Variants in UACA observed in about 807,000 individuals in gnomAD.
UACA encodes uveal autoantigen with coiled-coil domains and ankyrin repeats, also known as nuclear membrane binding protein.
Under a neutral mutation model 160.5 loss-of-function variants are expected in UACA, and 112 were observed. That is an observed-to-expected ratio of 0.70 (90% CI 0.60 to 0.82). The LOEUF is 0.82. UACA is among the 40% of genes least tolerant of loss of function. The pLI is 0.00. For synonymous variants in UACA, 557 were observed against 568.4 expected, an observed-to-expected ratio of 0.98 and a Z score of 0.29; for missense variants, 1,574 against 1,614.6, an observed-to-expected ratio of 0.97 and a Z score of 0.43.
chr15:70,680,624 T>C (rs1279580115), intron 9 of UACA, among the ~76,000 whole-genome samples: 3 of 152,184 alleles, frequency 2.0e-5, no homozygotes, highest in Admixed American at 6.5e-5. Flanking sequence ...TCTGACATCT[T>C]CTCACAGCTC....
intron 1 of UACA, among the ~76,000 whole-genome samples, chr15:70,707,124 A>AT (rs1200693759): frequency 6.6e-6 from 1 of 152,234 alleles, no homozygotes; most frequent in Non-Finnish European, 1.5e-5. Context: ...CAGCCCACAG[A>AT]TAAACCCTCA....
chr15:70,763,978 A>T (rs974834022), upstream of UACA, among the ~76,000 whole-genome samples: 2 of 152,220 alleles, frequency 1.3e-5, no homozygotes, highest in Non-Finnish European at 1.5e-5. Context: ...TTCAGGAGCA[A>T]CTTCTTTTCA....
chr15:70,715,946 A>G (rs1020299115), intron 1 of UACA, among the ~76,000 whole-genome samples: 5 of 152,240 alleles, frequency 3.3e-5, no homozygotes, highest in Non-Finnish European at 7.3e-5. Flanking sequence ...AATGGGATAT[A>G]AAGGAACTAA....
intron 2 of UACA, among the ~76,000 whole-genome samples, chr15:70,697,157 A>G (rs1898159354): frequency 6.6e-6 from 1 of 152,272 alleles, no homozygotes; most frequent in Non-Finnish European, 1.5e-5. Context: ...GAGGACAACT[A>G]GAAAAGCTGC....
intron 16 of UACA, 27 bp downstream of exon 16, chr15:70,666,697 T>C (rs746403039): frequency 4.6e-6 from 7 of 1,537,754 alleles, no homozygotes; most frequent in East Asian, 4.5e-5. Flanking sequence ...TTCCAACACA[T>C]AGCCGTGCAG....
intron 1 of UACA, among the ~76,000 whole-genome samples, chr15:70,761,103 G>A (rs1442355059): frequency 6.6e-6 from 1 of 152,042 alleles, no homozygotes; most frequent in Non-Finnish European, 1.5e-5. Context: ...TATGAATGGG[G>A]AGCCTCTATT....
At chr15:70,726,386 A>T (rs554629805) in intron 1 of UACA, among the ~76,000 whole-genome samples, 5 of 151,684 alleles carry the variant, frequency 3.3e-5, no homozygotes, top group South Asian at 4.2e-4. Flanking sequence ...GAAATTGTTT[A>T]AAAAAAAATG....
intron 18 of UACA, among the ~76,000 whole-genome samples, chr15:70,659,615 A>T (rs1034038959): frequency 6.6e-6 from 1 of 151,814 alleles, no homozygotes; most frequent in Non-Finnish European, 1.5e-5. Context: ...GTAATTTCTT[A>T]GTATGATTTT....
chr15:70,685,483 T>G (rs977856591), intron 7 of UACA, among the ~76,000 whole-genome samples: 5 of 152,152 alleles, frequency 3.3e-5, no homozygotes, highest in African/African-American at 1.2e-4. Context: ...CTGTAGTTGC[T>G]GATAAGAAAT....
chr15:70,710,748 G>C (rs1372809137), intron 1 of UACA, among the ~76,000 whole-genome samples: 1 of 152,226 alleles, frequency 6.6e-6, no homozygotes. Flanking sequence ...GATGCAAAAG[G>C]CAAAGAATGT....
At chr15:70,672,565 G>C (rs548562303) in intron 13 of UACA, among the ~76,000 whole-genome samples, 9 of 152,278 alleles carry the variant, frequency 5.9e-5, no homozygotes, top group Admixed American at 2.6e-4. Flanking sequence ...AAATAATAGA[G>C]AACTCTAGCT....
intron 1 of UACA, among the ~76,000 whole-genome samples, chr15:70,759,172 A>C (rs531743990): frequency 4.9e-4 from 75 of 152,190 alleles, no homozygotes; most frequent in Non-Finnish European, 9.4e-4. Flanking sequence ...TGTTTGCAGC[A>C]CTTCTACTAC....
chr15:70,718,763 TAAC>T (rs1006266562), intron 1 of UACA, among the ~76,000 whole-genome samples: 2 of 152,158 alleles, frequency 1.3e-5, no homozygotes, highest in African/African-American at 4.8e-5. Flanking sequence ...GGTGCTACCT[TAAC>T]AACAGCTACC....
Position 70,685,213 on chromosome 15 carries a change from A to G in UACA, c.603-767T>C, listed in dbSNP as rs150927620. On this transcript the variant is annotated intron_variant, in intron 7 of 18. Coordinates refer to ENST00000322954, the MANE Select transcript of UACA (RefSeq NM_018003.4). ...GCAATAGAACCACTGGCACTCAAAC[A>G]TCTCACAGTACATCAGCAAATACTA... Among the ~76,000 whole-genome samples the G allele has an allele frequency of 2.0e-4, 31 of 152,254 alleles. 1 individual carries two copies. In the East Asian group the frequency reaches 6.0e-3, roughly 29 times the overall value.
intron 1 of UACA, among the ~76,000 whole-genome samples, chr15:70,716,212 A>G (rs1898817010): frequency 6.6e-6 from 1 of 152,216 alleles, no homozygotes; most frequent in Admixed American, 6.5e-5. Context: ...CACTGTGAAC[A>G]AGCTAGCCCC....
At chr15:70,706,296 T>C (rs1183424249) in intron 1 of UACA, among the ~76,000 whole-genome samples, 1 of 151,982 alleles carries the variant, frequency 6.6e-6, no homozygotes, top group African/African-American at 2.4e-5. Flanking sequence ...AAAGACCATA[T>C]ATGAAAAGCC....
At chr15:70,770,609 C>A in the UACA span, among the ~76,000 whole-genome samples, 1 of 152,154 alleles carries the variant, frequency 6.6e-6, no homozygotes, top group Non-Finnish European at 1.5e-5. Context: ...TTTAATTTTG[C>A]CAGGCTAGGG....
chr15:70,675,620 G>C (rs1440126708), intron 13 of UACA, among the ~76,000 whole-genome samples: 2 of 152,272 alleles, frequency 1.3e-5, no homozygotes, highest in East Asian at 3.9e-4. Flanking sequence ...GAATCGTGCA[G>C]TATGTACTCT....
chr15:70,778,232 CTT>C, the UACA span, among the ~76,000 whole-genome samples: 37 of 152,150 alleles, frequency 2.4e-4, no homozygotes, highest in African/African-American at 7.7e-4. Context: ...GAACAGGAAC[CTT>C]TTTTTACTCA....
Sources: gnomAD v4.1 joint callset for allele counts (sites outside exome capture counted in the v4.1 genomes callset) on GRCh38, gnomAD v4.1.1 for gene constraint, MANE v1.5 for transcripts, NCBI Gene and HGNC (gene_info 2026-07-23, HGNC 2026-07-21) for gene names.